ABCA5: variants seen among roughly 807,000 people sequenced by gnomAD.
ABCA5 encodes cholesterol transporter ABCA5.
A neutral mutation model predicts 206.0 loss-of-function variants in ABCA5; 163 were observed. The observed-to-expected ratio is 0.79, with a 90% CI of 0.70 to 0.90. ABCA5 has a LOEUF of 0.90. Ranked by LOEUF, ABCA5 falls within the 40% of genes least tolerant of loss-of-function variation. The pLI is 0.00. For synonymous variants in ABCA5, 609 were observed against 613.8 expected (o/e 0.99, Z 0.11); for missense variants, 1,859 against 1,912.9 (o/e 0.97, Z 0.53).
chr17:69,281,826 A>G (rs1354451579), intron 18 of ABCA5, among the ~76,000 whole-genome samples: 1 of 152,186 alleles, frequency 6.6e-6, no homozygotes, highest in African/African-American at 2.4e-5. Context: ...TTACTTCATG[A>G]TGATATATTC....
chr17:69,286,889 T>C (rs1245761015), intron 15 of ABCA5, among the ~76,000 whole-genome samples: 3 of 152,310 alleles, frequency 2.0e-5, no homozygotes, highest in Admixed American at 2.0e-4. Context: ...TATATGTATG[T>C]ATGTGTATAA....
intron 9 of ABCA5, among the ~76,000 whole-genome samples, chr17:69,298,467 G>T (rs946095483): frequency 1.3e-5 from 2 of 152,018 alleles, no homozygotes; most frequent in African/African-American, 4.8e-5. Flanking sequence ...TCTTCTTTTA[G>T]ATTGGCCACA....
intron 24 of ABCA5, among the ~76,000 whole-genome samples, chr17:69,263,387 T>C (rs996405462): frequency 6.6e-6 from 1 of 152,184 alleles, no homozygotes; most frequent in Non-Finnish European, 1.5e-5. Context: ...CTTTAATCCA[T>C]CTTGAGTTAC....
At chr17:69,266,419 TAACA>T (rs1271314100) in intron 23 of ABCA5, among the ~76,000 whole-genome samples, 1 of 152,044 alleles carries the variant, frequency 6.6e-6, no homozygotes, top group Admixed American at 6.6e-5. Context: ...CTGTCATTTC[TAACA>T]AACAAACATG....
chr17:69,268,775 T>C (rs1326964211), intron 22 of ABCA5: 2 of 152,210 alleles, frequency 1.3e-5, no homozygotes, highest in Non-Finnish European at 2.9e-5. Flanking sequence ...GCCTAGCAGA[T>C]ACCCTCGCAC....
In ABCA5 at chr17:69,319,085, G is replaced by A; in HGVS notation, c.-15-4655C>T. 1.1e-5 allele frequency: 3 copies of A among 271,918 alleles called. 1 individual carries two copies. Among genetic ancestry groups the A allele is most frequent in the Non-Finnish European group, 2.1e-5 (3 of 144,568 alleles). The allele number at this position is 271,918 out of a possible 1,614,324, so 16.8% of individuals were successfully genotyped here. A position where few individuals can be genotyped will look rare whatever the true frequency, so the allele number is the denominator to read the frequency against. On this transcript the variant is annotated intron_variant, in intron 1 of 38. Transcript: ENST00000392676. Reference sequence around the variant, plus strand: ...ACTCTGTTAAATAAACTTCTGTAATGGTCAATAAATAAATTCTTCTAACAG... The same window carrying A: ...ACTCTGTTAAATAAACTTCTGTAATAGTCAATAAATAAATTCTTCTAACAG...
At chr17:69,305,126 T>C (rs111331832) in intron 6 of ABCA5, among the ~76,000 whole-genome samples, 155 of 152,346 alleles carry the variant, frequency 1.0e-3, no homozygotes, top group African/African-American at 3.6e-3. Context: ...ACAATGTCTC[T>C]GATTTTCTTA....
intron 20 of ABCA5, among the ~76,000 whole-genome samples, chr17:69,273,071 T>C (rs945893090): frequency 3.3e-5 from 5 of 152,234 alleles, no homozygotes; most frequent in African/African-American, 1.2e-4. Context: ...ATGTCAGTTT[T>C]TTGTTTTGAG....
rs548534877 is a variant in ABCA5 at position 69,294,494 on chromosome 17, C to T, written c.1495+161G>A. Among the ~76,000 whole-genome samples, 12 of 152,204 alleles carry T rather than the reference C, an allele frequency of 7.9e-5. No homozygotes were observed. The South Asian group carries it at 2.5e-3, about 32-fold the overall frequency. ...CCAAGAGAACGCCACTGCACTATAA[C>T]CTGGGTGACAGAGCGAGACTCCATC... On this transcript the variant is annotated intron_variant, in intron 11 of 38. Transcript: ENST00000392676.
chr17:69,301,378 T>G (rs1250717418), intron 8 of ABCA5, 92 bp from the exon 9 acceptor site: 7 of 1,029,818 alleles, frequency 6.8e-6, no homozygotes, highest in Non-Finnish European at 9.5e-6. Context: ...ATATCCAGAG[T>G]GATAGTAACC....
rs1203014441 is a variant in ABCA5 at position 69,310,723 on chromosome 17, A to ATT, written c.308-1301_308-1300insAA. Among the ~76,000 whole-genome samples the ATT allele has an allele frequency of 2.0e-5, 3 of 151,922 alleles. No homozygotes were observed. The East Asian group carries it at 5.8e-4, about 29-fold the overall frequency. On this transcript the variant is annotated intron_variant, in intron 3 of 38. Coordinates refer to ENST00000392676, the MANE Select transcript of ABCA5 (RefSeq NM_172232.4). Reference sequence around the variant, plus strand: ...ACTAATTTTCACTACAGAAGCTTCAAACATGTGGTGAAATGGAAAGAATAT... The same window carrying ATT: ...ACTAATTTTCACTACAGAAGCTTCAATTACATGTGGTGAAATGGAAAGAATAT...
intron 23 of ABCA5, among the ~76,000 whole-genome samples, chr17:69,265,791 T>C (rs567540627): frequency 6.6e-6 from 1 of 152,294 alleles, no homozygotes; most frequent in South Asian, 2.1e-4. Context: ...GCAAATGCAA[T>C]TATTTTGGAT....
chr17:69,291,758 A>C (rs1232266768), intron 11 of ABCA5, among the ~76,000 whole-genome samples: 1 of 152,170 alleles, frequency 6.6e-6, no homozygotes, highest in Non-Finnish European at 1.5e-5. Context: ...ATGGATATGT[A>C]AAGGAATGAA....
intron 7 of ABCA5, among the ~76,000 whole-genome samples, chr17:69,303,604 G>A (rs1279240795): frequency 7.3e-6 from 1 of 137,002 alleles, no homozygotes; most frequent in Non-Finnish European, 1.6e-5. Flanking sequence ...TTATTCATAA[G>A]ATAAAAAAAA....
At position 69,254,510 on chromosome 17, in the gene ABCA5, T is replaced by C; in HGVS notation, c.4069-20A>G. ...AAATACCTATAGAAACACAAACCAA[T>C]TTTTATTATTTTGCTTAATTTACAC... On this transcript the variant is annotated intron_variant, in intron 31 of 38. Coordinates refer to ENST00000392676, the MANE Select transcript of ABCA5 (RefSeq NM_172232.4). The C allele has an allele frequency of 1.3e-6, 2 of 1,598,602 alleles. No homozygotes were observed. Among genetic ancestry groups the C allele is most frequent in the Non-Finnish European group, 1.7e-6 (2 of 1,171,918 alleles).
chr17:69,302,917 C>T lies in ABCA5; in HGVS notation c.931-11G>A, dbSNP rs190031132. On this transcript the variant is annotated splice_polypyrimidine_tract_variant and intron_variant, in intron 7 of 38. Coordinates refer to ENST00000392676, the MANE Select transcript of ABCA5 (RefSeq NM_172232.4). ...TAAAGCAAAAAATACCTATAAAATA[C>T]AAATATTAAGGTTAGTGCAATGTTC... 57 of 1,429,828 alleles carry T rather than the reference C, an allele frequency of 4.0e-5. No individual in the cohort carries two copies. In the East Asian group the frequency reaches 1.3e-3, roughly 32 times the overall value. The allele number at this position is 1,429,828 out of a possible 1,614,324, so 88.6% of individuals were successfully genotyped here.
At position 69,296,943 on chromosome 17, in the gene ABCA5, C is replaced by T. The variant is rs141925815; in HGVS notation, c.1436+248G>A. On this transcript the variant is annotated intron_variant, in intron 10 of 38. Transcript: ENST00000392676. ...TTGTGCCACTGTGCTCCAGGCTGGG[C>T]GACAGAGCGAGATTCTGTCTCAAAA... Among the ~76,000 whole-genome samples the T allele has an allele frequency of 5.4e-3, 827 of 152,168 alleles. 4 individuals are homozygous for T. The highest frequency in any genetic ancestry group is 0.016 in the Admixed American group (239 of 15,296).
In ABCA5 at chr17:69,268,042, T is replaced by C; in HGVS notation, c.3045A>G (p.Ile1015Met). 1.3e-6 allele frequency: 2 copies of C among 1,575,416 alleles called. No individual in the cohort carries two copies. Among genetic ancestry groups the C allele is most frequent in the Non-Finnish European group, 1.7e-6 (2 of 1,146,340 alleles). ...STPFFQEITD[I>M]VFKIELYFQA... ...GAAAATACAGCTCAATTTTAAAAAC[T>C]ATATCAGTAATTTCCTGAAAGACAA... The change falls in exon 23 of 39, where the codon ATA (isoleucine) becomes ATG (methionine). Residue 1015 changes from isoleucine (I) to methionine (M), a missense_variant. Transcript: ENST00000392676.
intron 37 of ABCA5, chr17:69,248,794 G>C (rs2074980889): frequency 6.6e-6 from 1 of 152,456 alleles, no homozygotes; most frequent in African/African-American, 2.4e-5. Flanking sequence ...ATACAATCAT[G>C]GTTCACTGCA....
Sources: allele counts gnomAD v4.1 joint callset (sites outside exome capture counted in the v4.1 genomes callset), GRCh38; gene constraint gnomAD v4.1.1; transcripts MANE v1.5; gene names NCBI Gene and HGNC (gene_info 2026-07-23, HGNC 2026-07-21).